Variants in GRID2 observed in about 807,000 individuals in gnomAD.
GRID2 encodes the protein glutamate ionotropic receptor delta type subunit 2.
Under a neutral mutation model 114.8 loss-of-function variants are expected in GRID2, and 33 were observed. That is an observed-to-expected ratio of 0.29 (90% CI 0.22 to 0.38). GRID2 has a LOEUF of 0.38. Ranked by LOEUF, GRID2 falls within the 10% of genes least tolerant of loss-of-function variation. GRID2 has a pLI of 1.00. For missense variants in GRID2, 1,184 were observed against 1,257.7 expected (o/e 0.94, Z 0.89); for synonymous variants, 505 against 449.9 (o/e 1.12, Z -1.55).
intron 1 of GRID2, among the ~76,000 whole-genome samples, chr4:92,450,777 A>G (rs1311030994): frequency 6.6e-6 from 1 of 150,580 alleles, no homozygotes; most frequent in Non-Finnish European, 1.5e-5. Context: ...TTTATGTGTA[A>G]AAGTGTGTTA....
intron 1 of GRID2, among the ~76,000 whole-genome samples, chr4:92,503,760 A>G (rs1723809246): frequency 6.6e-6 from 1 of 152,098 alleles, no homozygotes; most frequent in Admixed American, 6.6e-5. Context: ...TATTTTTCCT[A>G]CTTTATAAAG....
intron 1 of GRID2, among the ~76,000 whole-genome samples, chr4:92,335,416 A>G (rs1263734063): frequency 6.6e-6 from 1 of 152,218 alleles, no homozygotes; most frequent in Non-Finnish European, 1.5e-5. Flanking sequence ...GCACTGAGAG[A>G]TTTGCCCAGC....
At chr4:93,415,200 C>T (rs1161599368) in intron 9 of GRID2, among the ~76,000 whole-genome samples, 1 of 152,092 alleles carries the variant, frequency 6.6e-6, no homozygotes. Context: ...TTGGTACAGC[C>T]AGTCACTCCT....
intron 2 of GRID2, among the ~76,000 whole-genome samples, chr4:92,638,406 G>A (rs1283572577): frequency 6.8e-6 from 1 of 147,280 alleles, no homozygotes; most frequent in African/African-American, 2.5e-5. Flanking sequence ...ACTAATACTA[G>A]TACATACAAG....
chr4:93,126,584 C>CTTTTTTTTTTTTTTTTTTT (rs60017147), intron 4 of GRID2, among the ~76,000 whole-genome samples: 1 of 52,734 alleles, frequency 1.9e-5, no homozygotes, highest in Non-Finnish European at 3.3e-5. Flanking sequence ...CTATTTAATT[C>CTTTTTTTTTTTTTTTTTTT]TTTTTTTTTT....
intron 4 of GRID2, among the ~76,000 whole-genome samples, chr4:93,168,578 T>C (rs936593160): frequency 2.0e-5 from 3 of 152,084 alleles, no homozygotes; most frequent in Admixed American, 2.0e-4. Context: ...TATAAATAAA[T>C]AATAGTCATC....
chr4:92,428,144 C>T (rs892803538), intron 1 of GRID2, among the ~76,000 whole-genome samples: 5 of 151,868 alleles, frequency 3.3e-5, no homozygotes, highest in Non-Finnish European at 7.4e-5. Flanking sequence ...TGCCTGTAGT[C>T]CTAGTTACTC....
chr4:93,495,699 G>C (rs540007834), intron 12 of GRID2, among the ~76,000 whole-genome samples: 1 of 151,678 alleles, frequency 6.6e-6, no homozygotes, highest in African/African-American at 2.4e-5. Flanking sequence ...CAATTAACTA[G>C]TATGTCTCTA....
intron 1 of GRID2, among the ~76,000 whole-genome samples, chr4:92,487,233 C>A (rs1468883693): frequency 1.3e-5 from 2 of 151,856 alleles, no homozygotes; most frequent in Middle Eastern, 3.4e-3. Flanking sequence ...ATTTTTTAGA[C>A]CTAAATTTAT....
intron 1 of GRID2, among the ~76,000 whole-genome samples, chr4:92,418,514 G>T (rs1731731588): frequency 6.6e-6 from 1 of 152,092 alleles, no homozygotes; most frequent in South Asian, 2.1e-4. Context: ...GGTGATAGAA[G>T]TAGATGAGTG....
At chr4:92,695,072 T>C (rs1317898726) in intron 2 of GRID2, among the ~76,000 whole-genome samples, 1 of 152,056 alleles carries the variant, frequency 6.6e-6, no homozygotes, top group East Asian at 1.9e-4. Context: ...ACTCAAGTGA[T>C]CCTCCCACCT....
intron 14 of GRID2, among the ~76,000 whole-genome samples, chr4:93,692,039 A>G (rs929009822): frequency 6.6e-6 from 1 of 152,070 alleles, no homozygotes; most frequent in Admixed American, 6.6e-5. Context: ...GAAATCAAGA[A>G]GTCAAAAAAG....
intron 14 of GRID2, among the ~76,000 whole-genome samples, chr4:93,648,580 T>G (rs1014312441): frequency 2.0e-5 from 3 of 152,204 alleles, no homozygotes; most frequent in African/African-American, 7.2e-5. Context: ...CTGTGTTTCC[T>G]CACTCTAACA....
chr4:92,353,203 T>C (rs1363697557), intron 1 of GRID2, among the ~76,000 whole-genome samples: 2 of 151,864 alleles, frequency 1.3e-5, no homozygotes, highest in African/African-American at 4.8e-5. Flanking sequence ...TTACTTTTAG[T>C]TTTGTTTTGT....
At chr4:93,106,796 T>C (rs78513719) in intron 3 of GRID2, among the ~76,000 whole-genome samples, 4,215 of 152,284 alleles carry the variant, frequency 0.028, 196 homozygotes, top group African/African-American at 0.096. Flanking sequence ...CCTTGTAATT[T>C]ATGCTTGCCA....
At chr4:92,471,136 G>A (rs1401275236) in intron 1 of GRID2, among the ~76,000 whole-genome samples, 2 of 151,988 alleles carry the variant, frequency 1.3e-5, no homozygotes, top group African/African-American at 2.4e-5. Flanking sequence ...ATGTAAGAGC[G>A]AATGGTACAG....
rs529955813 is a variant in GRID2 at position 92,415,412 on chromosome 4, A to C, written c.88+110668A>C. On this transcript the variant is annotated intron_variant, in intron 1 of 15. Coordinates refer to ENST00000282020, the MANE Select transcript of GRID2 (RefSeq NM_001510.4). ...GTGGTGGTTTCTGAGATTTTGGTGC[A>C]CTGATTACCCAAGCAGTGTACACTG... 1.2e-4 allele frequency among the ~76,000 whole-genome samples: 18 copies of C among 151,888 alleles called. No individual in the cohort carries two copies. The East Asian group carries it at 3.5e-3, about 30-fold the overall frequency.
intron 4 of GRID2, among the ~76,000 whole-genome samples, chr4:93,112,515 G>T (rs904336590): frequency 2.0e-5 from 3 of 152,132 alleles, no homozygotes; most frequent in Non-Finnish European, 2.9e-5. Context: ...TGTGAAGAAG[G>T]TGCTTGCTTC....
intron 2 of GRID2, among the ~76,000 whole-genome samples, chr4:92,914,013 G>C (rs1029967738): frequency 2.6e-5 from 4 of 152,160 alleles, no homozygotes; most frequent in African/African-American, 9.6e-5. Context: ...AGCAGAAATG[G>C]TTTGGTCCAA....
Sources: allele counts gnomAD v4.1 joint callset (sites outside exome capture counted in the v4.1 genomes callset), GRCh38; gene constraint gnomAD v4.1.1; transcripts MANE v1.5; gene names NCBI Gene and HGNC (gene_info 2026-07-23, HGNC 2026-07-21).